GINS1: variants seen among roughly 807,000 people sequenced by gnomAD.
GINS1 encodes the protein DNA replication complex GINS protein PSF1.
In GINS1, 26 loss-of-function variants were observed where a neutral mutation model predicts 34.9. The observed-to-expected ratio is 0.74, with a 90% CI of 0.55 to 1.03. GINS1 has a LOEUF of 1.03. Ranked by LOEUF, GINS1 falls within the 50% of genes least tolerant of loss-of-function variation. The pLI, the probability that GINS1 is intolerant of heterozygous loss-of-function variation, is 0.00. For missense variants in GINS1, 235 were observed against 237.9 expected (o/e 0.99, Z 0.08); for synonymous variants, 97 against 84.4 (o/e 1.15, Z -0.82).
intron 5 of GINS1, among the ~76,000 whole-genome samples, chr20:25,433,352 A>G (rs2090437566): frequency 6.6e-6 from 1 of 151,876 alleles, no homozygotes; most frequent in South Asian, 2.1e-4. Flanking sequence ...TCATTTCCTC[A>G]TTACCCCCCA....
At chr20:25,421,348 C>G (rs1488295016) in intron 4 of GINS1, among the ~76,000 whole-genome samples, 1 of 151,956 alleles carries the variant, frequency 6.6e-6, no homozygotes, top group Non-Finnish European at 1.5e-5. Context: ...AAAAGCAGAG[C>G]TAAAATAAGG....
chr20:25,429,006 T>G lies in GINS1; in HGVS notation c.447+3679T>G, dbSNP rs1167965347. Among the ~76,000 whole-genome samples, 4 of 90,620 alleles carry G rather than the reference T, an allele frequency of 4.4e-5. No homozygotes were observed. In the East Asian group the frequency reaches 1.4e-3, roughly 31 times the overall value. 59.5% of individuals were successfully genotyped at this position (90,620 alleles called of 152,430 possible). A position where few individuals can be genotyped will look rare whatever the true frequency, so the allele number is the denominator to read the frequency against. On this transcript the variant is annotated intron_variant, in intron 5 of 6. Transcript: ENST00000262460. The stretch of plus-strand genomic sequence containing the variant: ...TTTTTTTTTTTTTTTTTTTTTTTTT[T>G]GAAACGAAGTCTTGCTCTGTCGCCC...
chr20:25,409,005 G>A, intron 1 of GINS1: 1 of 985,144 alleles, frequency 1.0e-6, no homozygotes, highest in Non-Finnish European at 1.2e-6. Context: ...ACACCAGTAT[G>A]AGCTGGGGTA....
At chr20:25,412,303 C>T (rs2090290884) in intron 1 of GINS1, among the ~76,000 whole-genome samples, 3 of 151,932 alleles carry the variant, frequency 2.0e-5, no homozygotes. Context: ...CCTGTAATCC[C>T]AGCACTTTGG....
chr20:25,427,941 G>A (rs543674231), intron 5 of GINS1, among the ~76,000 whole-genome samples: 1 of 138,048 alleles, frequency 7.2e-6, no homozygotes, highest in South Asian at 2.3e-4. Flanking sequence ...GTGTGATCTC[G>A]GCTCACTGCA....
intron 1 of GINS1, among the ~76,000 whole-genome samples, chr20:25,412,481 G>A (rs6037113): frequency 0.027 from 4,119 of 152,112 alleles, 181 homozygotes; most frequent in African/African-American, 0.09. Flanking sequence ...CTTGAACCCA[G>A]GAGGCAGAGG....
chr20:25,407,786 G>A lies in GINS1; in HGVS notation c.-35G>A, dbSNP rs772315974. ...ATACCATTTTGGCGTGAGAGCTGGT[G>A]GTTGGCAAGGCCGCGGGAGTGGGAA... is the stretch of plus-strand genomic sequence containing the variant. On this transcript the variant is annotated 5_prime_UTR_variant, in exon 1 of 7. Coordinates refer to ENST00000262460, the MANE Select transcript of GINS1 (RefSeq NM_021067.5). 8.3e-6 allele frequency: 13 copies of A among 1,569,472 alleles called. No individual in the cohort carries two copies. Among genetic ancestry groups the A allele is most frequent in the South Asian group, 7.8e-5 (7 of 90,066 alleles).
At chr20:25,437,042 T>G (rs2090458214) in intron 5 of GINS1, among the ~76,000 whole-genome samples, 1 of 152,216 alleles carries the variant, frequency 6.6e-6, no homozygotes, top group South Asian at 2.1e-4. Context: ...ACCTTAAGGT[T>G]TTCTCAAATC....
chr20:25,444,463 T>A (rs2090500244), intron 6 of GINS1, among the ~76,000 whole-genome samples: 1 of 152,202 alleles, frequency 6.6e-6, no homozygotes, highest in Non-Finnish European at 1.5e-5. Flanking sequence ...TTTTGTTGTG[T>A]TTTTTTACAT....
intron 2 of GINS1, among the ~76,000 whole-genome samples, chr20:25,415,633 C>T (rs1186642328): frequency 2.1e-5 from 3 of 145,412 alleles, no homozygotes; most frequent in Non-Finnish European, 3.0e-5. Context: ...TGTGGTGAGT[C>T]GAGATCGCGT....
chr20:25,439,275 C>G (rs887562072), intron 5 of GINS1, among the ~76,000 whole-genome samples: 1 of 152,168 alleles, frequency 6.6e-6, no homozygotes, highest in Non-Finnish European at 1.5e-5. Context: ...GCCACAAAAT[C>G]ACCTTATCTG....
chr20:25,407,969 C>T, intron 1 of GINS1, 74 bp downstream of exon 1: 3 of 1,121,816 alleles, frequency 2.7e-6, no homozygotes, highest in Non-Finnish European at 4.0e-6. Flanking sequence ...GGCTCCCCGT[C>T]AGGGTTCACT....
chr20:25,422,801 T>G (rs1292770215), intron 4 of GINS1, among the ~76,000 whole-genome samples: 1 of 152,040 alleles, frequency 6.6e-6, no homozygotes, highest in African/African-American at 2.4e-5. Context: ...TTAGACGGAG[T>G]TTTTTGCTCT....
chr20:25,416,385 A>G (rs1168066016), intron 2 of GINS1, among the ~76,000 whole-genome samples: 1 of 152,174 alleles, frequency 6.6e-6, no homozygotes, highest in Non-Finnish European at 1.5e-5. Flanking sequence ...CAGCCCTAGA[A>G]GACATGACAG....
chr20:25,436,852 T>A (rs2090457202), intron 5 of GINS1, among the ~76,000 whole-genome samples: 1 of 152,338 alleles, frequency 6.6e-6, no homozygotes, highest in African/African-American at 2.4e-5. Flanking sequence ...ACTTTTATGT[T>A]TCTTTGTATG....
At position 25,445,987 on chromosome 20, in the gene GINS1, CAT is replaced by C; in HGVS notation, c.588_589del (p.Ter197ThrfsTer30). ...CAAGGAGTCCTGGAGCACATCCTGTCATGACCATGCGCCGAGGCACTTCCAGG... is the reference window on the plus strand; with the variant it reads ...CAAGGAGTCCTGGAGCACATCCTGTCGACCATGCGCCGAGGCACTTCCAGG... On this transcript the variant is annotated frameshift_variant and stop_lost, in exon 7 of 7. Coordinates refer to ENST00000262460, the MANE Select transcript of GINS1 (RefSeq NM_021067.5). LOFTEE classifies it high-confidence loss of function. 1 of 1,602,498 alleles carries C rather than the reference CAT, an allele frequency of 6.2e-7. No individual in the cohort carries two copies. Among genetic ancestry groups the C allele is most frequent in the East Asian group, 2.2e-5 (1 of 44,832 alleles).
At chr20:25,417,256 G>C (rs2090326951) in intron 3 of GINS1, 54 bp downstream of exon 3, 2 of 822,344 alleles carry the variant, frequency 2.4e-6, no homozygotes, top group Admixed American at 3.7e-5. Flanking sequence ...TGGCTTCCCA[G>C]TTGACCATCT....
chr20:25,444,772 T>C (rs1480583774), intron 6 of GINS1, among the ~76,000 whole-genome samples: 2 of 152,222 alleles, frequency 1.3e-5, no homozygotes, highest in Non-Finnish European at 2.9e-5. Context: ...GCAAGAGCGA[T>C]GTCCTCTTAG....
chr20:25,407,889 C>T lies in GINS1; in HGVS notation c.69C>T (p.Ala23=), dbSNP rs562855391. The part of the protein sequence containing the change: ...LHRAPEGQLP[A]FNEDGLRQVL... ...GCGCGCCCGAAGGGCAACTGCCTGC[C>T]TTCAACGTGAGGGGCGGGTAGACTT... Residue 23 remains alanine, a synonymous_variant, in exon 1 of 7, where the codon GCC becomes GCT. Transcript: ENST00000262460. 6 of 1,612,270 alleles carry T rather than the reference C, an allele frequency of 3.7e-6. No homozygotes were observed. The highest frequency in any genetic ancestry group is 4.2e-6 in the Non-Finnish European group (5 of 1,178,518).
Sources: allele counts gnomAD v4.1 joint callset (sites outside exome capture counted in the v4.1 genomes callset), GRCh38; gene constraint gnomAD v4.1.1; transcripts MANE v1.5; gene names NCBI Gene and HGNC (gene_info 2026-07-23, HGNC 2026-07-21).